Variants in PTPRD observed in about 807,000 individuals in gnomAD.
The protein encoded by PTPRD is protein tyrosine phosphatase receptor type D.
In PTPRD, 34 loss-of-function variants were observed where a neutral mutation model predicts 214.5. The observed-to-expected ratio is 0.16, with a 90% CI of 0.12 to 0.21. The LOEUF (loss-of-function observed/expected upper bound fraction) is 0.21. Ranked by LOEUF, PTPRD falls within the 10% of genes least tolerant of loss-of-function variation. The pLI is 1.00. For synonymous variants in PTPRD, 1,128 were observed against 845.7 expected (o/e 1.33, Z -5.79); for missense variants, 2,545 against 2,398.7 (o/e 1.06, Z -1.27).
intron 5 of PTPRD, among the ~76,000 whole-genome samples, chr9:9,865,622 C>G (rs1357952405): frequency 1.3e-5 from 2 of 152,056 alleles, no homozygotes; most frequent in African/African-American, 4.8e-5. Flanking sequence ...CTGTTATAAA[C>G]AACAGAAAAT....
intron 3 of PTPRD, among the ~76,000 whole-genome samples, chr9:10,208,953 C>T (rs1197714107): frequency 2.0e-5 from 3 of 151,978 alleles, no homozygotes. Context: ...GAAAAGGTGA[C>T]AAAACAAAAT....
chr9:8,663,664 G>C (rs1008717730), intron 12 of PTPRD, among the ~76,000 whole-genome samples: 5 of 151,918 alleles, frequency 3.3e-5, no homozygotes, highest in Admixed American at 1.3e-4. Context: ...GCTAATTTTT[G>C]TATTTTATTA....
At chr9:9,577,934 T>G (rs2089476454) in intron 7 of PTPRD, among the ~76,000 whole-genome samples, 1 of 148,130 alleles carries the variant, frequency 6.8e-6, no homozygotes, top group African/African-American at 2.5e-5. Context: ...TAGTCCCAGG[T>G]ACTTGGGAGA....
chr9:9,026,551 G>C (rs2099587747), intron 10 of PTPRD, among the ~76,000 whole-genome samples: 1 of 151,868 alleles, frequency 6.6e-6, no homozygotes, highest in African/African-American at 2.4e-5. Flanking sequence ...TCCAGGGTTT[G>C]TTCAGTTTTA....
At chr9:9,339,270 G>C (rs990544720) in intron 9 of PTPRD, among the ~76,000 whole-genome samples, 1 of 151,528 alleles carries the variant, frequency 6.6e-6, no homozygotes, top group African/African-American at 2.4e-5. Context: ...GAGGTCAGGA[G>C]ATCGAGACCA....
intron 5 of PTPRD, among the ~76,000 whole-genome samples, chr9:9,807,536 C>T (rs1041728179): frequency 4.6e-5 from 7 of 152,114 alleles, no homozygotes; most frequent in African/African-American, 1.4e-4. Flanking sequence ...TAAGCATTTT[C>T]CCATATGCCC....
chr9:8,337,587 G>C (rs764674951), intron 43 of PTPRD, among the ~76,000 whole-genome samples: 6 of 151,602 alleles, frequency 4.0e-5, no homozygotes, highest in Non-Finnish European at 7.4e-5. Flanking sequence ...CATGTATTCA[G>C]GACTTACACT....
At chr9:9,175,641 A>AAC (rs1554913850) in intron 10 of PTPRD, among the ~76,000 whole-genome samples, 8,269 of 140,352 alleles carry the variant, frequency 0.059, 473 homozygotes, top group African/African-American at 0.1. Flanking sequence ...AAAAAAAAAA[A>AAC]AAAAAAAAAG....
chr9:10,305,077 A>T (rs1473201316), intron 3 of PTPRD, among the ~76,000 whole-genome samples: 1 of 152,134 alleles, frequency 6.6e-6, no homozygotes, highest in Non-Finnish European at 1.5e-5. Flanking sequence ...ATGGAACAGA[A>T]CAGAGACTTC....
rs73641265 is a variant in PTPRD at position 9,226,908 on chromosome 9, T to A, written c.-202-43545A>T. On this transcript the variant is annotated intron_variant, in intron 9 of 45. Transcript: ENST00000381196. ...AATTTGCATTAAGGGCTACACCAGATAATAAATATATCTAAATTTTGTTTC... is the reference window on the plus strand; with the variant it reads ...AATTTGCATTAAGGGCTACACCAGAAAATAAATATATCTAAATTTTGTTTC... Among the ~76,000 whole-genome samples, 1,201 of 152,212 alleles carry A rather than the reference T, an allele frequency of 7.9e-3. 9 individuals carry two copies. Among genetic ancestry groups the A allele is most frequent in the African/African-American group, 0.026 (1,085 of 41,556 alleles).
At chr9:10,207,334 ATTCT>A (rs1283765157) in intron 3 of PTPRD, among the ~76,000 whole-genome samples, 1 of 152,056 alleles carries the variant, frequency 6.6e-6, no homozygotes, top group Non-Finnish European at 1.5e-5. Flanking sequence ...TCAACAGTTA[ATTCT>A]TTCTCTGCAT....
chr9:10,275,849 A>T (rs1194860797), intron 3 of PTPRD, among the ~76,000 whole-genome samples: 1 of 152,178 alleles, frequency 6.6e-6, no homozygotes, highest in Non-Finnish European at 1.5e-5. Context: ...GTGGAGAAAA[A>T]TCCCTGAGGG....
chr9:9,515,401 C>A (rs9407426), intron 8 of PTPRD, among the ~76,000 whole-genome samples: 67,109 of 151,880 alleles, frequency 0.44, 15,342 homozygotes, highest in African/African-American at 0.53. Context: ...ATTCCCAATG[C>A]AGAGAATGAG....
chr9:10,028,367 G>C (rs1042347746), intron 4 of PTPRD, among the ~76,000 whole-genome samples: 2 of 152,110 alleles, frequency 1.3e-5, no homozygotes, highest in African/African-American at 4.8e-5. Context: ...AGAGTGGAGC[G>C]CTGCTGAAAA....
At chr9:9,870,892 A>C (rs2065239847) in intron 5 of PTPRD, among the ~76,000 whole-genome samples, 2 of 152,132 alleles carry the variant, frequency 1.3e-5, no homozygotes. Flanking sequence ...ACGTGTTATA[A>C]CAACATACAT....
At chr9:9,540,691 C>T (rs1284628562) in intron 8 of PTPRD, among the ~76,000 whole-genome samples, 1 of 151,766 alleles carries the variant, frequency 6.6e-6, no homozygotes, top group Non-Finnish European at 1.5e-5. Context: ...GGTTATATTA[C>T]TGCATTTGTC....
chr9:10,563,915 A>G (rs1307117156), intron 2 of PTPRD, among the ~76,000 whole-genome samples: 1 of 151,912 alleles, frequency 6.6e-6, no homozygotes, highest in African/African-American at 2.4e-5. Flanking sequence ...TAAGATCTAT[A>G]AAATTATGTT....
At chr9:9,431,952 A>G (rs2083321138) in intron 8 of PTPRD, among the ~76,000 whole-genome samples, 1 of 151,046 alleles carries the variant, frequency 6.6e-6, no homozygotes, top group South Asian at 2.1e-4. Flanking sequence ...TACCTAATGT[A>G]AATGACAAGT....
At chr9:10,457,342 A>T (rs953378464) in intron 2 of PTPRD, among the ~76,000 whole-genome samples, 1 of 151,926 alleles carries the variant, frequency 6.6e-6, no homozygotes, top group Non-Finnish European at 1.5e-5. Flanking sequence ...GGAAGTAACC[A>T]TTATTTGAAC....
Sources: gnomAD v4.1 joint callset for allele counts (sites outside exome capture counted in the v4.1 genomes callset) on GRCh38, gnomAD v4.1.1 for gene constraint, MANE v1.5 for transcripts, NCBI Gene and HGNC (gene_info 2026-07-23, HGNC 2026-07-21) for gene names.